The following AGBL1 variants were observed in gnomAD, a reference collection of about 807,000 sequenced individuals.
The protein encoded by AGBL1 is cytosolic carboxypeptidase 4.
In AGBL1, 130 loss-of-function variants were observed where a neutral mutation model predicts 118.9. The observed-to-expected ratio is 1.09, with a 90% CI of 0.95 to 1.26. The LOEUF is 1.26. AGBL1 is among the 50% of genes most tolerant of loss of function. The pLI, the probability that AGBL1 is intolerant of heterozygous loss-of-function variation, is 0.00. For synonymous variants in AGBL1, 555 were observed against 478.9 expected (o/e 1.16, Z -2.08); for missense variants, 1,584 against 1,298.1 (o/e 1.22, Z -3.38).
At chr15:86,332,645 C>CAA (rs60036454) in intron 17 of AGBL1, among the ~76,000 whole-genome samples, 6 of 89,032 alleles carry the variant, frequency 6.7e-5, no homozygotes, top group African/African-American at 8.6e-5. Context: ...GACTCCATCT[C>CAA]AAAAAAAAAA....
chr15:86,974,405 A>T lies in AGBL1; in HGVS notation c.3222-13582A>T, dbSNP rs552691391. On this transcript the variant is annotated intron_variant, in intron 23 of 24. Coordinates refer to the AGBL1 transcript ENST00000441037. Reference sequence around the variant, plus strand: ...ATTTTAATATATTAAATATAAACATATTAAATATAAACATATTTTATATAT... The same window carrying T: ...ATTTTAATATATTAAATATAAACATTTTAAATATAAACATATTTTATATAT... Among the ~76,000 whole-genome samples, 28 of 102,164 alleles carry T rather than the reference A, an allele frequency of 2.7e-4. 1 individual carries two copies. Among genetic ancestry groups the T allele is most frequent in the South Asian group, 6.2e-4 (2 of 3,236 alleles). 67.0% of individuals were successfully genotyped at this position (102,164 alleles called of 152,430 possible).
intron 18 of AGBL1, among the ~76,000 whole-genome samples, chr15:86,423,901 A>G (rs1341547590): frequency 1.3e-5 from 2 of 152,198 alleles, no homozygotes; most frequent in Admixed American, 6.5e-5. Flanking sequence ...ACAAATGGAA[A>G]AACAATCCAT....
intron 5 of AGBL1, among the ~76,000 whole-genome samples, chr15:86,170,100 G>C (rs914138768): frequency 6.6e-6 from 1 of 152,064 alleles, no homozygotes; most frequent in African/African-American, 2.4e-5. Flanking sequence ...ATAATTATTA[G>C]GCAAGAACAT....
chr15:86,998,260 T>C (rs888220553), intron 24 of AGBL1, among the ~76,000 whole-genome samples: 1 of 152,218 alleles, frequency 6.6e-6, no homozygotes, highest in African/African-American at 2.4e-5. Context: ...GTAACATTTG[T>C]ATTTCAAGTA....
chr15:86,586,560 G>T (rs2346707), intron 21 of AGBL1, among the ~76,000 whole-genome samples: 52,745 of 151,958 alleles, frequency 0.35, 10,074 homozygotes, highest in Admixed American at 0.43. Context: ...TGTTTTATTC[G>T]GAGCCAATGT....
At chr15:86,159,662 C>T (rs764513511) in intron 5 of AGBL1, among the ~76,000 whole-genome samples, 1 of 151,898 alleles carries the variant, frequency 6.6e-6, no homozygotes, top group East Asian at 1.9e-4. Flanking sequence ...TAGAGATATT[C>T]GGGACTATTA....
intron 22 of AGBL1, among the ~76,000 whole-genome samples, chr15:86,735,300 T>G (rs1040421906): frequency 6.6e-6 from 1 of 151,962 alleles, no homozygotes; most frequent in African/African-American, 2.4e-5. Context: ...AGGATGGTTT[T>G]GAACTCCTGA....
chr15:86,162,870 A>T (rs2077286597), intron 5 of AGBL1, among the ~76,000 whole-genome samples: 1 of 152,154 alleles, frequency 6.6e-6, no homozygotes, highest in African/African-American at 2.4e-5. Context: ...TGCCTTGTGC[A>T]GTGGTAGAAG....
At chr15:86,722,486 C>T (rs1316679598) in intron 22 of AGBL1, among the ~76,000 whole-genome samples, 2 of 152,138 alleles carry the variant, frequency 1.3e-5, no homozygotes, top group African/African-American at 4.8e-5. Flanking sequence ...CCCTTCCTTA[C>T]ACCTTATACA....
At chr15:86,569,430 G>A (rs1363685381) in intron 21 of AGBL1, among the ~76,000 whole-genome samples, 43 of 151,000 alleles carry the variant, frequency 2.8e-4, no homozygotes, top group Admixed American at 2.8e-3. Flanking sequence ...AAAAAAGAGA[G>A]AAATCCGGAT....
chr15:86,123,225 A>G (rs1898197570), intron 1 of AGBL1, among the ~76,000 whole-genome samples: 1 of 151,882 alleles, frequency 6.6e-6, no homozygotes, highest in Admixed American at 6.6e-5. Flanking sequence ...GGTCTCCAGA[A>G]CCCCTTTGTC....
Position 86,247,695 on chromosome 15 carries a change from A to C in AGBL1, c.551A>C (p.Asn184Thr), listed in dbSNP as rs1459541006. Residue 184 changes from asparagine to threonine, a missense_variant, in exon 7 of 23, where the codon AAC becomes ACC. Coordinates refer to ENST00000614907, the MANE Select transcript of AGBL1 (RefSeq NM_001386094.1). ...KSKSNGRRAVNRGYVTSLLGL... is the reference protein window; with the variant it reads ...KSKSNGRRAVTRGYVTSLLGL... ...GAGTCGAACGGCCGCAGAGCAGTGA[A>C]CCGAGGCTACGTCACCAGCCTGCTC... 6.2e-7 allele frequency: 1 copy of C among 1,610,538 alleles called. No homozygotes were observed. Among genetic ancestry groups the C allele is most frequent in the Non-Finnish European group, 8.5e-7 (1 of 1,178,460 alleles).
At chr15:86,778,870 T>A (rs2078294538) in intron 22 of AGBL1, among the ~76,000 whole-genome samples, 1 of 152,206 alleles carries the variant, frequency 6.6e-6, no homozygotes, top group Non-Finnish European at 1.5e-5. Context: ...AAGTGATAAG[T>A]GTCCATGAAA....
chr15:86,917,785 AGAG>A (rs1364753879), downstream of AGBL1, among the ~76,000 whole-genome samples: 23 of 129,044 alleles, frequency 1.8e-4, no homozygotes, highest in African/African-American at 5.8e-4. This position sits in a 1 kb window ranked among gnomAD's most constrained non-coding sequence, Gnocchi z 4.8. Context: ...AGAAGGAGAG[AGAG>A]AGAAGAGAGA....
intron 22 of AGBL1, among the ~76,000 whole-genome samples, chr15:86,810,350 C>T (rs2078770954): frequency 1.3e-5 from 2 of 152,150 alleles, no homozygotes; most frequent in East Asian, 3.9e-4. Context: ...TCTGCAACAC[C>T]CAGTCTATAG....
chr15:86,957,603 GAAGA>G (rs1196168914), intron 23 of AGBL1, among the ~76,000 whole-genome samples: 1 of 151,924 alleles, frequency 6.6e-6, no homozygotes. Flanking sequence ...ATATAAAACA[GAAGA>G]AAGAAATCAG....
At chr15:86,523,415 C>A (rs1042837227) in intron 19 of AGBL1, among the ~76,000 whole-genome samples, 1 of 150,184 alleles carries the variant, frequency 6.7e-6, no homozygotes, top group African/African-American at 2.5e-5. Context: ...ATGGCCTCAT[C>A]ATAGTTTTAT....
At chr15:86,461,783 T>G (rs1432726172) in intron 18 of AGBL1, among the ~76,000 whole-genome samples, 1 of 152,174 alleles carries the variant, frequency 6.6e-6, no homozygotes, top group East Asian at 1.9e-4. Context: ...ACCCTATTTT[T>G]TCTTTCTCCT....
chr15:86,289,097 G>A (rs1178310907), intron 16 of AGBL1, among the ~76,000 whole-genome samples: 2 of 152,108 alleles, frequency 1.3e-5, no homozygotes, highest in Non-Finnish European at 2.9e-5. Flanking sequence ...TAATTTAAGA[G>A]CATTTCTCAT....
Sources: allele counts gnomAD v4.1 joint callset (sites outside exome capture counted in the v4.1 genomes callset), GRCh38; gene constraint gnomAD v4.1.1; non-coding constraint Gnocchi (gnomAD v3.1); transcripts MANE v1.5; gene names NCBI Gene and HGNC (gene_info 2026-07-23, HGNC 2026-07-21).